Variants in CSMD2 observed in about 807,000 individuals in gnomAD.
CSMD2 encodes CUB and sushi domain-containing protein 2.
In CSMD2, 130 loss-of-function variants were observed where a neutral mutation model predicts 398.5. The ratio of observed to expected loss-of-function variants is 0.33; its 90% CI spans 0.28 to 0.38. CSMD2 has a LOEUF of 0.38. Among genes scored for constraint, CSMD2 ranks in the 10% least tolerant of loss-of-function variants. The pLI is 1.00. For missense variants in CSMD2, 3,829 were observed against 4,764.9 expected (o/e 0.80, Z 5.78); for synonymous variants, 1,828 against 1,908.5 (o/e 0.96, Z 1.10).
chr1:34,088,638 C>T (rs1463109406), intron 2 of CSMD2, among the ~76,000 whole-genome samples: 1 of 152,234 alleles, frequency 6.6e-6, no homozygotes. Flanking sequence ...TATCAGCCTT[C>T]AACACCCATA....
Position 33,537,711 on chromosome 1 carries a change from G to A in CSMD2, c.9632-102C>T. On this transcript the variant is annotated intron_variant, in intron 60 of 70. Transcript: ENST00000373381. The surrounding 1 kb of genome is among the most constrained non-coding windows in gnomAD (Gnocchi z 4.6). The stretch of plus-strand genomic sequence containing the variant: ...TGTTCTTTGCACTGCTCCCTTCCTG[G>A]TTGAGCTTGAACTCTGGGAACCGGG... 1 of 1,286,782 alleles carries A rather than the reference G, an allele frequency of 7.8e-7. No homozygotes were observed. The highest frequency in any genetic ancestry group is 2.8e-5 in the Admixed American group (1 of 36,084). The allele number at this position is 1,286,782 out of a possible 1,614,324, so 79.7% of individuals were successfully genotyped here.
At chr1:34,044,883 T>C (rs1652299689) in intron 2 of CSMD2, among the ~76,000 whole-genome samples, 1 of 152,214 alleles carries the variant, frequency 6.6e-6, no homozygotes, top group South Asian at 2.1e-4. Flanking sequence ...ACTGACAGGC[T>C]TGGCAAATAG....
At chr1:34,061,383 G>A (rs533716255) in intron 2 of CSMD2, among the ~76,000 whole-genome samples, 6 of 152,132 alleles carry the variant, frequency 3.9e-5, no homozygotes, top group East Asian at 1.9e-4. Context: ...GCCCCGTTTC[G>A]CAACGGCTGG....
intron 66 of CSMD2, among the ~76,000 whole-genome samples, chr1:33,524,080 T>G (rs1654555777): frequency 6.6e-6 from 1 of 152,226 alleles, no homozygotes; most frequent in Non-Finnish European, 1.5e-5. Flanking sequence ...TTACTGTAAA[T>G]TATTCCTGTT....
intron 48 of CSMD2, among the ~76,000 whole-genome samples, chr1:33,580,238 T>C (rs568365021): frequency 2.6e-5 from 4 of 152,222 alleles, no homozygotes; most frequent in Non-Finnish European, 5.9e-5. Context: ...ATCAGATAAA[T>C]TCAATTTTCT....
At chr1:34,050,539 C>T (rs1015576557) in intron 2 of CSMD2, among the ~76,000 whole-genome samples, 1 of 152,186 alleles carries the variant, frequency 6.6e-6, no homozygotes, top group African/African-American at 2.4e-5. Context: ...AATGAAATGG[C>T]CTTTTCAAGA....
At chr1:33,599,799 C>T in intron 44 of CSMD2, 1 of 209,172 alleles carries the variant, frequency 4.8e-6, no homozygotes, top group Non-Finnish European at 9.5e-6. Context: ...GTCACAGCTG[C>T]TTAGGTTCTT....
chr1:33,605,824 ACCAGC>A, intron 41 of CSMD2: 1 of 1,546,030 alleles, frequency 6.5e-7, no homozygotes, highest in Non-Finnish European at 8.9e-7. Flanking sequence ...GGGGCCAGGC[ACCAGC>A]CTAACTCCTT....
At chr1:33,687,985 G>A (rs189614490) in intron 25 of CSMD2, among the ~76,000 whole-genome samples, 7 of 152,316 alleles carry the variant, frequency 4.6e-5, no homozygotes, top group South Asian at 2.1e-4. Flanking sequence ...GTGATACTGC[G>A]TGGGGTAGCA....
chr1:33,718,276 G>A (rs768815906), intron 19 of CSMD2, among the ~76,000 whole-genome samples: 82 of 152,230 alleles, frequency 5.4e-4, no homozygotes, highest in Non-Finnish European at 1.1e-3. Context: ...AGTGAGGGAA[G>A]TTATAGAGCA....
intron 5 of CSMD2, among the ~76,000 whole-genome samples, chr1:33,865,971 A>G (rs1170579254): frequency 6.6e-6 from 1 of 152,228 alleles, no homozygotes; most frequent in East Asian, 1.9e-4. Flanking sequence ...CTTGACATCA[A>G]AAATACTGGG....
intron 36 of CSMD2, among the ~76,000 whole-genome samples, 170 bp downstream of exon 36, chr1:33,623,200 G>A (rs1641885292): frequency 6.6e-6 from 1 of 152,138 alleles, no homozygotes; most frequent in Admixed American, 6.5e-5. Flanking sequence ...TAGTAGTGAT[G>A]GTTGCAGGAC....
chr1:33,790,684 T>A (rs1224683302), intron 11 of CSMD2, among the ~76,000 whole-genome samples: 1 of 150,922 alleles, frequency 6.6e-6, no homozygotes, highest in South Asian at 2.1e-4. Flanking sequence ...TCTATCTATC[T>A]ATCTATCTAT....
rs1038023889 is a variant in CSMD2 at position 33,519,035 on chromosome 1, C to T, written c.*53+430G>A. Among the ~76,000 whole-genome samples the T allele has an allele frequency of 2.0e-5, 3 of 152,146 alleles. No homozygotes were observed. Among genetic ancestry groups the T allele is most frequent in the East Asian group, 1.9e-4 (1 of 5,176 alleles). ...TCTACAGATCTCCAGGGCTTGACTT[C>T]GACCCAGAGGATGTATATATCCAGT... On this transcript the variant is annotated intron_variant, in intron 70 of 70. Transcript: ENST00000373381. This position sits in a 1 kb window ranked among gnomAD's most constrained non-coding sequence, Gnocchi z 5.6.
chr1:33,534,982 G>C (rs1409657874), intron 62 of CSMD2, among the ~76,000 whole-genome samples: 1 of 152,044 alleles, frequency 6.6e-6, no homozygotes, highest in East Asian at 1.9e-4. Flanking sequence ...TCAACTCCCT[G>C]ATATTCATTC....
At chr1:34,008,566 T>C (rs956714304) in intron 3 of CSMD2, among the ~76,000 whole-genome samples, 2 of 152,218 alleles carry the variant, frequency 1.3e-5, no homozygotes, top group Non-Finnish European at 2.9e-5. Flanking sequence ...CAGGGCTCTA[T>C]CATGATGCTG....
At chr1:33,755,536 GGA>G (rs1648863144) in intron 13 of CSMD2, among the ~76,000 whole-genome samples, 1 of 152,188 alleles carries the variant, frequency 6.6e-6, no homozygotes, top group Non-Finnish European at 1.5e-5. Flanking sequence ...GGAGTATGAA[GGA>G]TAAATGGGCA....
intron 3 of CSMD2, among the ~76,000 whole-genome samples, chr1:34,025,607 A>G (rs964588059): frequency 9.9e-5 from 15 of 152,178 alleles, no homozygotes; most frequent in African/African-American, 3.6e-4. Context: ...TGTGTGTCAC[A>G]GTTTTCAAAT....
chr1:33,840,307 T>C (rs961667357), intron 6 of CSMD2, among the ~76,000 whole-genome samples: 4 of 152,212 alleles, frequency 2.6e-5, no homozygotes. Context: ...CAATACTGTT[T>C]TCTCTACCTG....
Sources: gnomAD v4.1 joint callset for allele counts (sites outside exome capture counted in the v4.1 genomes callset) on GRCh38, gnomAD v4.1.1 for gene constraint, Gnocchi (gnomAD v3.1) non-coding constraint, MANE v1.5 for transcripts, NCBI Gene and HGNC (gene_info 2026-07-23, HGNC 2026-07-21) for gene names.